The following ROR1 variants were observed in gnomAD, a reference collection of about 807,000 sequenced individuals.
ROR1 encodes the protein ROR family WNT receptor 1, also known as inactive tyrosine-protein kinase transmembrane receptor ROR1.
A neutral mutation model predicts 78.8 loss-of-function variants in ROR1; 19 were observed. That is an observed-to-expected ratio of 0.24 (90% CI 0.17 to 0.35). The LOEUF (loss-of-function observed/expected upper bound fraction) is 0.35, where lower values mean the gene tolerates loss of function less well. ROR1 is among the 10% of genes least tolerant of loss of function. The probability of loss-of-function intolerance (pLI) is 1.00; values close to 1 mark genes in which losing one functional copy is unlikely to be tolerated. For missense variants in ROR1, 917 were observed against 1,177.8 expected, an observed-to-expected ratio of 0.78 and a Z score of 3.24; for synonymous variants, 386 against 433.6, an observed-to-expected ratio of 0.89 and a Z score of 1.36.
At chr1:63,932,530 G>A (rs147495666) in intron 1 of ROR1, among the ~76,000 whole-genome samples, 5 of 152,118 alleles carry the variant, frequency 3.3e-5, no homozygotes, top group Non-Finnish European at 5.9e-5. Context: ...TGGCTTGGTC[G>A]GTAGCATTTC....
chr1:64,134,333 A>C (rs908061904), intron 4 of ROR1, among the ~76,000 whole-genome samples: 1 of 152,198 alleles, frequency 6.6e-6, no homozygotes, highest in Non-Finnish European at 1.5e-5. Flanking sequence ...AGGCTGATTT[A>C]ACTAAGAGTA....
chr1:63,899,068 C>A (rs1286467773), intron 1 of ROR1, among the ~76,000 whole-genome samples: 4 of 152,052 alleles, frequency 2.6e-5, no homozygotes, highest in Admixed American at 6.6e-5. Flanking sequence ...CCTGCTTCTT[C>A]AAGCCTACAG....
chr1:64,084,095 C>T (rs375493675), intron 4 of ROR1, among the ~76,000 whole-genome samples: 14 of 152,282 alleles, frequency 9.2e-5, no homozygotes, highest in African/African-American at 2.6e-4. Context: ...ACTGGCTTTA[C>T]GCAGTCCACT....
chr1:64,135,597 A>G (rs1649074699), intron 4 of ROR1, among the ~76,000 whole-genome samples: 1 of 152,098 alleles, frequency 6.6e-6, no homozygotes, highest in Non-Finnish European at 1.5e-5. Flanking sequence ...CTTTCTCCCC[A>G]TAGGTTTATG....
At chr1:64,091,244 G>A (rs1647194551) in intron 4 of ROR1, among the ~76,000 whole-genome samples, 1 of 152,118 alleles carries the variant, frequency 6.6e-6, no homozygotes, top group Non-Finnish European at 1.5e-5. Context: ...TCACAGTTTA[G>A]CATCATGGGA....
chr1:64,057,570 T>G (rs557875568), intron 4 of ROR1, among the ~76,000 whole-genome samples: 1 of 152,350 alleles, frequency 6.6e-6, no homozygotes, highest in East Asian at 1.9e-4. Flanking sequence ...GTAGAATTTC[T>G]TCTTCCTCAG....
At chr1:63,853,688 A>C (rs1645130751) in intron 1 of ROR1, among the ~76,000 whole-genome samples, 1 of 152,216 alleles carries the variant, frequency 6.6e-6, no homozygotes, top group Non-Finnish European at 1.5e-5. Context: ...AACATTAAAC[A>C]GTGCACTGGG....
At position 64,145,652 on chromosome 1, in the gene ROR1, G is replaced by A. The variant is rs151157982; in HGVS notation, c.1174+3002G>A. ...TTGCACTTCATTTATGACATTTTCC[G>A]TGTTATTTTCAACAGTGATAAGAAA... is the stretch of plus-strand genomic sequence containing the variant. On this transcript the variant is annotated intron_variant, in intron 7 of 8. Transcript: ENST00000371079. Among the ~76,000 whole-genome samples, 182 of 152,188 alleles carry A rather than the reference G, an allele frequency of 1.2e-3. 3 individuals carry two copies. The East Asian group carries it at 0.012, about 10-fold the overall frequency.
intron 1 of ROR1, among the ~76,000 whole-genome samples, chr1:63,817,653 G>A (rs984937047): frequency 6.6e-6 from 1 of 152,234 alleles, no homozygotes; most frequent in East Asian, 1.9e-4. Context: ...GGGCTGCAAG[G>A]GTGCAGGGAA....
intron 1 of ROR1, among the ~76,000 whole-genome samples, chr1:64,005,444 A>T (rs1324702654): frequency 6.6e-6 from 1 of 152,234 alleles, no homozygotes; most frequent in East Asian, 1.9e-4. Context: ...TAAATGGCAC[A>T]TACACATTTG....
At chr1:64,067,870 G>A (rs993887655) in intron 4 of ROR1, among the ~76,000 whole-genome samples, 4 of 151,804 alleles carry the variant, frequency 2.6e-5, no homozygotes, top group Non-Finnish European at 4.4e-5. Context: ...CTGCCACCGC[G>A]CCCGGGTAAT....
In ROR1 at chr1:63,932,184, C is replaced by T. The variant is rs189023670; in HGVS notation, c.92-77121C>T. On this transcript the variant is annotated intron_variant, in intron 1 of 8. Transcript: ENST00000371079. ...GGCCTGTAGCAAGATGCTCAATAGA[C>T]CTGAGGAGAATGAGTGAAGGGGAGG... Among the ~76,000 whole-genome samples, 336 of 152,140 alleles carry T rather than the reference C, an allele frequency of 2.2e-3. 1 individual carries two copies. Among genetic ancestry groups the T allele is most frequent in the Non-Finnish European group, 3.9e-3 (262 of 68,014 alleles).
chr1:63,939,667 A>G (rs1335070283), intron 1 of ROR1, among the ~76,000 whole-genome samples: 6 of 152,188 alleles, frequency 3.9e-5, no homozygotes. Context: ...AGGGAACATT[A>G]TACCTCTCTG....
At chr1:64,139,675 G>A (rs560328359) in intron 5 of ROR1, among the ~76,000 whole-genome samples, 10 of 152,166 alleles carry the variant, frequency 6.6e-5, no homozygotes, top group South Asian at 2.1e-4. Context: ...AACTCTTGCC[G>A]TCCAGCAAGA....
chr1:64,015,579 G>A (rs1397860383), intron 2 of ROR1, among the ~76,000 whole-genome samples: 4 of 152,160 alleles, frequency 2.6e-5, no homozygotes, highest in African/African-American at 9.7e-5. Flanking sequence ...TTGATGCTTA[G>A]CTAGTCAGAA....
intron 1 of ROR1, among the ~76,000 whole-genome samples, chr1:63,914,597 G>C (rs1193810679): frequency 6.6e-6 from 1 of 152,196 alleles, no homozygotes; most frequent in African/African-American, 2.4e-5. Context: ...CTCTTGGGCA[G>C]TCTAAAGTCT....
chr1:63,816,980 A>G (rs1183504390), intron 1 of ROR1, among the ~76,000 whole-genome samples: 1 of 152,238 alleles, frequency 6.6e-6, no homozygotes, highest in Non-Finnish European at 1.5e-5. Context: ...GAGGGGAAAG[A>G]TAGGCATCGT....
chr1:63,937,274 C>T (rs1021360901), intron 1 of ROR1, among the ~76,000 whole-genome samples: 3 of 152,180 alleles, frequency 2.0e-5, no homozygotes, highest in African/African-American at 2.4e-5. Context: ...GGCCCTGGGC[C>T]GTCCTTTTAC....
At chr1:64,135,435 T>G (rs1050205025) in intron 4 of ROR1, among the ~76,000 whole-genome samples, 1 of 151,946 alleles carries the variant, frequency 6.6e-6, no homozygotes, top group African/African-American at 2.4e-5. Flanking sequence ...GAGAAAGAAG[T>G]GTTCTCATAA....
Sources: gnomAD v4.1 joint callset for allele counts (sites outside exome capture counted in the v4.1 genomes callset) on GRCh38, gnomAD v4.1.1 for gene constraint, MANE v1.5 for transcripts, NCBI Gene and HGNC (gene_info 2026-07-23, HGNC 2026-07-21) for gene names.